Variants in PTPRK observed in about 807,000 individuals in gnomAD.
PTPRK encodes protein tyrosine phosphatase receptor type K.
A neutral mutation model predicts 178.0 loss-of-function variants in PTPRK; 75 were observed. That is an observed-to-expected ratio of 0.42 (90% CI 0.35 to 0.51). The LOEUF (loss-of-function observed/expected upper bound fraction) is 0.51, where lower values mean the gene tolerates loss of function less well. Ranked by LOEUF, PTPRK falls within the 20% of genes least tolerant of loss-of-function variation. The pLI, the probability that PTPRK is intolerant of heterozygous loss-of-function variation, is 0.02. For synonymous variants in PTPRK, 637 were observed against 620.6 expected (o/e 1.03, Z -0.39); for missense variants, 1,441 against 1,797.8 (o/e 0.80, Z 3.59).
chr6:128,163,459 A>G (rs1437092243), intron 7 of PTPRK, among the ~76,000 whole-genome samples: 4 of 151,480 alleles, frequency 2.6e-5, no homozygotes, highest in African/African-American at 4.8e-5. Context: ...GTAGAAAAAT[A>G]TTTTGCAATT....
chr6:128,471,802 T>C (rs1850702802), intron 1 of PTPRK, among the ~76,000 whole-genome samples: 1 of 151,906 alleles, frequency 6.6e-6, no homozygotes, highest in South Asian at 2.1e-4. Context: ...CACACTGTAT[T>C]TGGGGCTGGG....
chr6:128,194,268 C>T (rs767996259), intron 6 of PTPRK, among the ~76,000 whole-genome samples: 13 of 151,590 alleles, frequency 8.6e-5, no homozygotes, highest in South Asian at 6.3e-4. Context: ...CTGTATTTTT[C>T]GTACAGACGG....
intron 1 of PTPRK, among the ~76,000 whole-genome samples, chr6:128,481,824 T>C (rs1852123683): frequency 1.3e-5 from 2 of 152,060 alleles, no homozygotes; most frequent in Admixed American, 1.3e-4. Context: ...CTTCAAAGAA[T>C]TGGGTCTTAT....
rs374912859 is a variant in PTPRK at position 128,375,058 on chromosome 6, C to CATCATT, written c.223+22507_223+22508insAATGAT. 9.9e-3 allele frequency among the ~76,000 whole-genome samples: 1,308 copies of CATCATT among 132,262 alleles called. 7 individuals are homozygous for CATCATT. The highest frequency in any genetic ancestry group is 0.03 in the South Asian group (118 of 3,938). 86.8% of individuals were successfully genotyped at this position (132,262 alleles called of 152,430 possible). A position where few individuals can be genotyped will look rare whatever the true frequency, so the allele number is the denominator to read the frequency against. On this transcript the variant is annotated intron_variant, in intron 2 of 29. Transcript: ENST00000368226. ...TTCTCCATGGTACTTAGAAACACTG[C>CATCATT]ATTATTATTATTATTATTATTATTA... is the stretch of plus-strand genomic sequence containing the variant.
intron 17 of PTPRK, 81 bp downstream of exon 17, chr6:127,996,820 A>G: frequency 6.8e-7 from 1 of 1,477,734 alleles, no homozygotes; most frequent in Non-Finnish European, 9.1e-7. Context: ...CAGACACACC[A>G]CTCTCTGGGA....
At chr6:128,216,929 C>T (rs925103976) in intron 6 of PTPRK, among the ~76,000 whole-genome samples, 1 of 152,130 alleles carries the variant, frequency 6.6e-6, no homozygotes, top group Non-Finnish European at 1.5e-5. Flanking sequence ...ACATATATAA[C>T]TATGTATTAT....
intron 7 of PTPRK, among the ~76,000 whole-genome samples, chr6:128,111,242 CA>C (rs1790606543): frequency 6.6e-6 from 1 of 152,154 alleles, no homozygotes; most frequent in Non-Finnish European, 1.5e-5. Context: ...TCTAGCTTTT[CA>C]GTCAGACATG....
In PTPRK at chr6:128,082,429, T is replaced by G; in HGVS notation, c.1777+8A>C. On this transcript the variant is annotated splice_region_variant and intron_variant, in intron 10 of 29. Coordinates refer to ENST00000368226, the MANE Select transcript of PTPRK (RefSeq NM_002844.4). ...TCAATCCTATTTGTAATTTATTCAT[T>G]TGCATACCTGAGATATTGGTGGTGA... is the stretch of plus-strand genomic sequence containing the variant. The G allele has an allele frequency of 6.3e-7, 1 of 1,587,686 alleles. No homozygotes were observed. Among genetic ancestry groups the G allele is most frequent in the Non-Finnish European group, 8.7e-7 (1 of 1,156,020 alleles).
intron 7 of PTPRK, among the ~76,000 whole-genome samples, chr6:128,110,762 G>GA (rs1790523261): frequency 1.3e-5 from 2 of 152,144 alleles, no homozygotes; most frequent in South Asian, 2.1e-4. Flanking sequence ...TGTATTGAGT[G>GA]AAAAAATGAG....
At position 128,009,278 on chromosome 6, in the gene PTPRK, T is replaced by TAA; in HGVS notation, c.2195-12_2195-11dup. 1.8e-5 allele frequency: 22 copies of TAA among 1,230,622 alleles called. No individual in the cohort carries two copies. The highest frequency in any genetic ancestry group is 7.8e-5 in the South Asian group (5 of 64,376). 76.2% of individuals were successfully genotyped at this position (1,230,622 alleles called of 1,614,324 possible). A position where few individuals can be genotyped will look rare whatever the true frequency, so the allele number is the denominator to read the frequency against. ...TCTTCTGTTGCTGCTGCTAAATGGATAAAAAAAAAAATCAGTTACTGAAAG... is the reference window on the plus strand; with the variant it reads ...TCTTCTGTTGCTGCTGCTAAATGGATAAAAAAAAAAAAATCAGTTACTGAAAG... On this transcript the variant is annotated splice_polypyrimidine_tract_variant and intron_variant, in intron 13 of 29. Coordinates refer to ENST00000368226, the MANE Select transcript of PTPRK (RefSeq NM_002844.4).
At chr6:128,336,193 T>G (rs956180784) in intron 2 of PTPRK, among the ~76,000 whole-genome samples, 140 of 1,178 alleles carry the variant, frequency 0.12, 1 homozygote, top group East Asian at 0.47. Context: ...AACAGTGTGT[T>G]TTTTTTTTTG....
At chr6:128,362,852 C>T (rs970133515) in intron 2 of PTPRK, among the ~76,000 whole-genome samples, 5 of 151,948 alleles carry the variant, frequency 3.3e-5, no homozygotes, top group Admixed American at 1.3e-4. Context: ...ATTTTCTCAA[C>T]AAAGAAAGCC....
chr6:128,068,416 CCTT>C (rs1446587890), intron 11 of PTPRK, among the ~76,000 whole-genome samples: 1 of 152,206 alleles, frequency 6.6e-6, no homozygotes, highest in African/African-American at 2.4e-5. Flanking sequence ...TAGACCGCCT[CCTT>C]CTTCTGGAGT....
intron 1 of PTPRK, among the ~76,000 whole-genome samples, chr6:128,426,856 A>G (rs1316551413): frequency 1.3e-5 from 2 of 152,206 alleles, no homozygotes; most frequent in South Asian, 2.1e-4. Context: ...ACTACCAAGG[A>G]ACACTTGTTA....
rs989740985 is a variant in PTPRK at position 128,353,886 on chromosome 6, T to G, written c.224-31576A>C. On this transcript the variant is annotated intron_variant, in intron 2 of 29. Coordinates refer to ENST00000368226, the MANE Select transcript of PTPRK (RefSeq NM_002844.4). The stretch of plus-strand genomic sequence containing the variant: ...GACTGCGTATAAAACTGGTAAATTC[T>G]GAATAAGATCAGGTTCTATCAATAT... Among the ~76,000 whole-genome samples, 3 of 152,200 alleles carry G rather than the reference T, an allele frequency of 2.0e-5. No individual in the cohort carries two copies. The South Asian group carries it at 6.2e-4, about 31-fold the overall frequency.
intron 1 of PTPRK, among the ~76,000 whole-genome samples, chr6:128,503,650 G>A (rs1290682507): frequency 1.3e-5 from 2 of 152,074 alleles, no homozygotes; most frequent in East Asian, 3.9e-4. Context: ...GTTAAATGAA[G>A]AGACCCTAGC....
intron 23 of PTPRK, 51 bp downstream of exon 23, chr6:127,983,191 G>A: frequency 6.8e-7 from 1 of 1,463,174 alleles, no homozygotes; most frequent in Non-Finnish European, 9.1e-7. Context: ...CTCTTTGTTT[G>A]CAAAAAAAAT....
Position 127,973,085 on chromosome 6 carries a change from A to C in PTPRK, c.4206T>G (p.Val1402=). The change falls in exon 29 of 30, where the codon GTT becomes GTG. Residue 1402 remains valine, a synonymous_variant. Coordinates refer to ENST00000368226, the MANE Select transcript of PTPRK (RefSeq NM_002844.4). ...IVVEMVKRQN[V]VDVFHAVKTL... ...TCTTTACTGCATGGAAAACATCGAC[A>C]ACATTTTGCCGTTTCACCATTTCAA... 1 of 1,614,118 alleles carries C rather than the reference A, an allele frequency of 6.2e-7. No homozygotes were observed.
chr6:128,349,084 T>C (rs568353892), intron 2 of PTPRK, among the ~76,000 whole-genome samples: 1 of 152,156 alleles, frequency 6.6e-6, no homozygotes, highest in African/African-American at 2.4e-5. Context: ...AAAAGAAGTA[T>C]GAATAAGGCA....
Sources: gnomAD v4.1 joint callset for allele counts (sites outside exome capture counted in the v4.1 genomes callset) on GRCh38, gnomAD v4.1.1 for gene constraint, MANE v1.5 for transcripts, NCBI Gene and HGNC (gene_info 2026-07-23, HGNC 2026-07-21) for gene names.